CACNA1C: variants seen among roughly 807,000 people sequenced by gnomAD.
CACNA1C encodes voltage-dependent L-type calcium channel subunit alpha-1C.
CACNA1C carries 30 observed loss-of-function variants against 229.0 expected under a neutral mutation model. The observed-to-expected ratio is 0.13, with a 90% CI of 0.10 to 0.18. The LOEUF is 0.18. CACNA1C is among the 10% of genes least tolerant of loss of function. The pLI is 1.00. For missense variants in CACNA1C, 1,658 were observed against 2,845.0 expected (o/e 0.58, Z 9.49); for synonymous variants, 1,114 against 1,132.5 (o/e 0.98, Z 0.33).
At chr12:2,294,137 G>T (rs1394921007) in intron 3 of CACNA1C, among the ~76,000 whole-genome samples, 1 of 152,164 alleles carries the variant, frequency 6.6e-6, no homozygotes. Context: ...ATATCGATTG[G>T]TAATATATTA....
At chr12:2,253,555 T>G (rs1171494577) in intron 3 of CACNA1C, among the ~76,000 whole-genome samples, 1 of 152,250 alleles carries the variant, frequency 6.6e-6, no homozygotes, top group Non-Finnish European at 1.5e-5. Context: ...GGAACCTAAG[T>G]CCGTGGCTTC....
At chr12:2,106,970 G>A (rs866616829) in intron 1 of CACNA1C, among the ~76,000 whole-genome samples, 9 of 98,708 alleles carry the variant, frequency 9.1e-5, no homozygotes, top group African/African-American at 1.8e-4. Context: ...CCCACCCCGG[G>A]GAGGGTTTCC....
At chr12:2,620,827 A>T (rs1415967198) in intron 29 of CACNA1C, among the ~76,000 whole-genome samples, 1 of 152,376 alleles carries the variant, frequency 6.6e-6, no homozygotes, top group Admixed American at 6.5e-5. Flanking sequence ...GAGCTGTTTC[A>T]TGTTCATCTC....
intron 2 of CACNA1C, among the ~76,000 whole-genome samples, chr12:2,119,414 C>G (rs2085482635): frequency 6.6e-6 from 1 of 152,192 alleles, no homozygotes; most frequent in Non-Finnish European, 1.5e-5. Context: ...GGAAGCTTCC[C>G]CTTGCTGGCC....
At chr12:2,418,368 GT>G (rs1281074312) in intron 3 of CACNA1C, among the ~76,000 whole-genome samples, 2 of 152,218 alleles carry the variant, frequency 1.3e-5, no homozygotes, top group Non-Finnish European at 2.9e-5. Context: ...GTGCAGTAAG[GT>G]GTGAATGACT....
chr12:2,212,741 AGT>A (rs1654413590), intron 3 of CACNA1C, among the ~76,000 whole-genome samples: 1 of 152,052 alleles, frequency 6.6e-6, no homozygotes, highest in East Asian at 1.9e-4. Flanking sequence ...ACACTGACTA[AGT>A]GTCTGGTGTG....
intron 3 of CACNA1C, among the ~76,000 whole-genome samples, chr12:2,196,428 T>G (rs2097404835): frequency 6.6e-6 from 1 of 152,270 alleles, no homozygotes; most frequent in Non-Finnish European, 1.5e-5. Context: ...TTTTGAGTTT[T>G]TCACACAGAA....
At chr12:2,655,633 C>G (rs188434728) in intron 34 of CACNA1C, among the ~76,000 whole-genome samples, 1 of 152,318 alleles carries the variant, frequency 6.6e-6, no homozygotes, top group East Asian at 1.9e-4. Flanking sequence ...TATACCAGCA[C>G]CTGTGCCATT....
chr12:2,234,255 T>C (rs540394336), intron 3 of CACNA1C, among the ~76,000 whole-genome samples: 1 of 152,218 alleles, frequency 6.6e-6, no homozygotes, highest in East Asian at 1.9e-4. Context: ...TATTGGTTCC[T>C]TTCTGGCATG....
chr12:2,418,295 G>A (rs1360538638), intron 3 of CACNA1C, among the ~76,000 whole-genome samples: 1 of 152,162 alleles, frequency 6.6e-6, no homozygotes, highest in East Asian at 1.9e-4. Context: ...CATTTCAGAT[G>A]GCTATAAATA....
intron 39 of CACNA1C, 72 bp downstream of exon 39, chr12:2,674,714 G>A: frequency 7.2e-7 from 1 of 1,384,394 alleles, no homozygotes; most frequent in Non-Finnish European, 9.9e-7. Flanking sequence ...CTCTCCTCCA[G>A]CTGTGGCACC....
chr12:2,390,921 C>A (rs1246478018), intron 3 of CACNA1C, among the ~76,000 whole-genome samples: 10 of 152,068 alleles, frequency 6.6e-5, no homozygotes, highest in African/African-American at 2.4e-4. Context: ...GTGGAGAAGG[C>A]CAGAGTAGGA....
At chr12:2,055,789 T>C (rs375725867) in intron 1 of CACNA1C, among the ~76,000 whole-genome samples, 1 of 152,126 alleles carries the variant, frequency 6.6e-6, no homozygotes, top group East Asian at 1.9e-4. Context: ...GGTTCCCAGG[T>C]GGAAGAGCAC....
chr12:2,565,274 C>A (rs957244281), intron 11 of CACNA1C, among the ~76,000 whole-genome samples: 2 of 151,584 alleles, frequency 1.3e-5, no homozygotes, highest in Non-Finnish European at 2.9e-5. Context: ...CGAGACCATC[C>A]TGGCTAACAA....
intron 29 of CACNA1C, among the ~76,000 whole-genome samples, chr12:2,616,451 C>T (rs980542095): frequency 3.3e-5 from 5 of 152,214 alleles, no homozygotes; most frequent in Non-Finnish European, 7.3e-5. Flanking sequence ...CTCCCACTGT[C>T]AGTTGCCCCA....
chr12:2,272,478 C>G (rs1399257730), intron 3 of CACNA1C, among the ~76,000 whole-genome samples: 4 of 152,164 alleles, frequency 2.6e-5, no homozygotes, highest in African/African-American at 9.7e-5. Flanking sequence ...CTACTGATGC[C>G]TTGAGCCGGA....
intron 29 of CACNA1C, among the ~76,000 whole-genome samples, chr12:2,616,822 G>A (rs531565057): frequency 1.6e-4 from 25 of 152,324 alleles, no homozygotes; most frequent in African/African-American, 3.8e-4. Flanking sequence ...TGCCACTTCC[G>A]AAGTGGAGGC....
chr12:2,325,948 G>A (rs1028986890), intron 3 of CACNA1C, among the ~76,000 whole-genome samples: 12 of 152,160 alleles, frequency 7.9e-5, no homozygotes, highest in Non-Finnish European at 1.0e-4. Context: ...TTTCCCAAGG[G>A]GCCCTTCATT....
Position 2,255,660 on chromosome 12 carries a change from C to G in CACNA1C, c.477+135230C>G, listed in dbSNP as rs1398408234. Among the ~76,000 whole-genome samples the G allele has an allele frequency of 2.6e-5, 4 of 152,220 alleles. 1 individual carries two copies. The highest frequency in any genetic ancestry group is 9.6e-5 in the African/African-American group (4 of 41,464). ...CCAGGAGGGTCACCTGGTTCATTTC[C>G]TTTCTGGAAGGAAGGGCAGTGTTTA... On this transcript the variant is annotated intron_variant, in intron 3 of 46. Coordinates refer to ENST00000399655, the MANE Select transcript of CACNA1C (RefSeq NM_000719.7).
Sources: gnomAD v4.1 joint callset for allele counts (sites outside exome capture counted in the v4.1 genomes callset) on GRCh38, gnomAD v4.1.1 for gene constraint, MANE v1.5 for transcripts, NCBI Gene and HGNC (gene_info 2026-07-23, HGNC 2026-07-21) for gene names.